OR14A16: variants seen among roughly 807,000 people sequenced by gnomAD.
OR14A16 encodes the protein olfactory receptor 14A16.
For missense variants in OR14A16, 341 were observed against 366.5 expected, an observed-to-expected ratio of 0.93 and a Z score of 0.57; for synonymous variants, 135 against 137.6, an observed-to-expected ratio of 0.98 and a Z score of 0.13.
At position 247,815,380 on chromosome 1, in the gene OR14A16, G is replaced by T; in HGVS notation, c.350C>A (p.Ser117Tyr). ...ACATATAGCAGTATAGCGGTCAAAG[G>T]ACATCACCGTGAGGAGGAGCAGCTC... ...SAELLLLTVM[S>Y]FDRYTAICHP... The change falls in exon 3 of 3, where the codon TCC becomes TAC. Residue 117 changes from serine to tyrosine, a missense_variant. Ser to Tyr is a moderately radical substitution (Grantham distance 144). Coordinates refer to ENST00000641093, the MANE Select transcript of OR14A16 (RefSeq NM_001001966.2). The T allele has an allele frequency of 1.2e-6, 2 of 1,613,882 alleles. No homozygotes were observed. The highest frequency in any genetic ancestry group is 1.3e-5 in the African/African-American group (1 of 75,012).
chr1:247,823,071 C>T (rs1277476293), intron 1 of OR14A16, among the ~76,000 whole-genome samples: 2 of 152,162 alleles, frequency 1.3e-5, no homozygotes. Flanking sequence ...TTGTGGGGTG[C>T]CTGATATCTC....
chr1:247,822,770 C>T (rs947392578), intron 1 of OR14A16, among the ~76,000 whole-genome samples: 12 of 152,264 alleles, frequency 7.9e-5, no homozygotes, highest in Admixed American at 4.6e-4. Context: ...TGACTAGGCT[C>T]TCAGTTCATA....
intron 1 of OR14A16, among the ~76,000 whole-genome samples, chr1:247,821,010 T>G (rs1662727228): frequency 1.3e-5 from 2 of 152,384 alleles, no homozygotes; most frequent in African/African-American, 4.8e-5. Context: ...CCTTTTTAAT[T>G]TCTTCTTTGA....
intron 1 of OR14A16, among the ~76,000 whole-genome samples, chr1:247,821,567 A>G (rs1662741545): frequency 1.8e-5 from 2 of 111,780 alleles, no homozygotes; most frequent in African/African-American, 2.8e-5. Flanking sequence ...ATGTAAGTAT[A>G]GCTACCTCTG....
At chr1:247,816,024 G>T (rs1395480614) in intron 2 of OR14A16, among the ~76,000 whole-genome samples, 1 of 152,056 alleles carries the variant, frequency 6.6e-6, no homozygotes, top group Non-Finnish European at 1.5e-5. Context: ...TATACTGAAA[G>T]ATTAAAAATT....
chr1:247,823,394 G>A (rs1004426637), intron 1 of OR14A16, among the ~76,000 whole-genome samples: 1 of 152,186 alleles, frequency 6.6e-6, no homozygotes, highest in Admixed American at 6.5e-5. Context: ...CTACTCAGGA[G>A]GCTGAGGTGG....
chr1:247,820,133 T>C (rs933909386), intron 1 of OR14A16, among the ~76,000 whole-genome samples: 4 of 152,218 alleles, frequency 2.6e-5, no homozygotes, highest in Non-Finnish European at 5.9e-5. Context: ...TAGTATTTCA[T>C]TGAAGATTTT....
At chr1:247,819,936 T>C (rs1267952316) in intron 1 of OR14A16, among the ~76,000 whole-genome samples, 2 of 152,234 alleles carry the variant, frequency 1.3e-5, no homozygotes, top group Admixed American at 6.5e-5. Flanking sequence ...ATTTTCATTA[T>C]GAAAGGAATT....
chr1:247,821,406 C>T (rs12127895), intron 1 of OR14A16, among the ~76,000 whole-genome samples: 22,153 of 152,196 alleles, frequency 0.15, 1,872 homozygotes, highest in Non-Finnish European at 0.19. Context: ...TCTCTCTTTT[C>T]AGATAAAGTA....
chr1:247,818,968 T>C (rs1004395657), intron 2 of OR14A16, 95 bp downstream of exon 2: 9 of 151,882 alleles, frequency 5.9e-5, no homozygotes, highest in African/African-American at 2.2e-4. Flanking sequence ...AGGTACCCCA[T>C]AAATATACAC....
chr1:247,822,292 G>C (rs1662753232), intron 1 of OR14A16, among the ~76,000 whole-genome samples: 1 of 122,330 alleles, frequency 8.2e-6, no homozygotes, highest in South Asian at 3.2e-4. Flanking sequence ...GCCCTTAATG[G>C]GGCTGGGGTG....
rs1241101739 is a variant in OR14A16 at position 247,815,594 on chromosome 1, T to A, written c.136A>T (p.Ile46Phe). The A allele has an allele frequency of 3.7e-6, 6 of 1,613,770 alleles. No homozygotes were observed. Among genetic ancestry groups the A allele is most frequent in the Non-Finnish European group, 5.1e-6 (6 of 1,179,822 alleles). Residue 46 changes from isoleucine (I) to phenylalanine (F), a missense_variant, in exon 3 of 3, where the codon ATC (isoleucine) becomes TTC (phenylalanine). Ile to Phe is a conservative substitution (Grantham distance 21). Transcript: ENST00000641093. ...TGGAGATGATGGTCCAAAGTTGTGA[T>A]CATGATAATGAGGACATTCCCCATC... The part of the protein sequence containing the change: ...ALMGNVLIIM[I>F]TTLDHHLHTP...
Position 247,815,155 on chromosome 1 carries a change from A to G in OR14A16, c.575T>C (p.Ile192Thr), listed in dbSNP as rs1662585197. Residue 192 changes from isoleucine to threonine, a missense_variant, in exon 3 of 3, where the codon ATA becomes ACA. Physicochemically the swap from Ile to Thr is moderately conservative, Grantham distance 89. Transcript: ENST00000641093. The part of the protein sequence containing the change: ...LLAISCSENL[I>T]REIALILINV... ...AATAAGGATGAGTGCAATTTCTCTTATTAAATTTTCTGAGCAAGAAATAGC... is the reference window on the plus strand; with the variant it reads ...AATAAGGATGAGTGCAATTTCTCTTGTTAAATTTTCTGAGCAAGAAATAGC... 1.2e-6 allele frequency: 2 copies of G among 1,613,340 alleles called. No homozygotes were observed. Among genetic ancestry groups the G allele is most frequent in the Non-Finnish European group, 1.7e-6 (2 of 1,179,364 alleles).
chr1:247,822,214 G>A (rs1662751866), intron 1 of OR14A16, among the ~76,000 whole-genome samples: 1 of 150,580 alleles, frequency 6.6e-6, no homozygotes, highest in Non-Finnish European at 1.5e-5. Flanking sequence ...GGATGTGTCT[G>A]TGAGGGTGTT....
At chr1:247,816,351 C>CT (rs1662621428) in intron 2 of OR14A16, among the ~76,000 whole-genome samples, 1 of 152,294 alleles carries the variant, frequency 6.6e-6, no homozygotes, top group South Asian at 2.1e-4. Flanking sequence ...ACTAATGGTG[C>CT]TTTTTTAACA....
In OR14A16 at chr1:247,815,756, G is replaced by T; in HGVS notation, c.-15-12C>A. ...ATTGCAGGAGTAATCTGCAGGAAAAGGAGAAGACTGAAGTAAAATATCAAT... is the reference window on the plus strand; with the variant it reads ...ATTGCAGGAGTAATCTGCAGGAAAATGAGAAGACTGAAGTAAAATATCAAT... On this transcript the variant is annotated splice_polypyrimidine_tract_variant and intron_variant, in intron 2 of 2. Transcript: ENST00000641093. 1 of 1,187,976 alleles carries T rather than the reference G, an allele frequency of 8.4e-7. No individual in the cohort carries two copies. Among genetic ancestry groups the T allele is most frequent in the Non-Finnish European group, 1.2e-6 (1 of 829,440 alleles). 73.6% of individuals were successfully genotyped at this position (1,187,976 alleles called of 1,614,324 possible).
chr1:247,814,927 T>C lies in OR14A16; in HGVS notation c.803A>G (p.Asp268Gly), dbSNP rs764526064. The C allele has an allele frequency of 1.2e-6, 2 of 1,613,748 alleles. No individual in the cohort carries two copies. Among genetic ancestry groups the C allele is most frequent in the South Asian group, 1.1e-5 (1 of 91,054 alleles). ...KPASESPSIL[D>G]AVISVFYTML... ...AGTGTAGAACACAGAAATTACAGCA[T>C]CCAAAATAGAAGGAGACTCTGAAGC... is the stretch of plus-strand genomic sequence containing the variant. The change falls in exon 3 of 3, where the codon GAT becomes GGT. Residue 268 changes from aspartate (D) to glycine (G), a missense_variant. Physicochemically the swap from Asp to Gly is moderately conservative, Grantham distance 94 (BLOSUM62 -1). Transcript: ENST00000641093.
At chr1:247,819,652 C>A (rs1011007687) in intron 1 of OR14A16, among the ~76,000 whole-genome samples, 2 of 143,220 alleles carry the variant, frequency 1.4e-5, no homozygotes, top group African/African-American at 5.3e-5. Context: ...GGCAATCTAA[C>A]ATATCCATCA....
chr1:247,819,398 TA>T (rs56129368), intron 1 of OR14A16, among the ~76,000 whole-genome samples: 126,748 of 150,970 alleles, frequency 0.84, 54,862 homozygotes, highest in East Asian at 1. Context: ...GGAGCAGATT[TA>T]AAAAAAAAAG....
Sources: allele counts gnomAD v4.1 joint callset (sites outside exome capture counted in the v4.1 genomes callset), GRCh38; gene constraint gnomAD v4.1.1; transcripts MANE v1.5; gene names NCBI Gene and HGNC (gene_info 2026-07-23, HGNC 2026-07-21).